CD40LG: variants seen among roughly 807,000 people sequenced by gnomAD.
CD40LG encodes the protein CD40 ligand.
In CD40LG, 1 loss-of-function variant was observed where a neutral mutation model predicts 17.2. The ratio of observed to expected loss-of-function variants is 0.06; its 90% CI spans 0.02 to 0.28. CD40LG has a LOEUF of 0.28. Among genes scored for constraint, CD40LG ranks in the 10% least tolerant of loss-of-function variants. The pLI, the probability that CD40LG is intolerant of heterozygous loss-of-function variation, is 1.00. For synonymous variants in CD40LG, 66 were observed against 74.4 expected (o/e 0.89, Z 0.58); for missense variants, 133 against 193.2 (o/e 0.69, Z 1.85).
chrX:136,660,105 A>AACACACACACAT lies in CD40LG; in HGVS notation c.*701_*702insTACACACACACA, dbSNP rs1491100265. ...GTCTCTCTTCTCAATCCCCCTTTCT[A>AACACACACACAT]ACACACACACACACACACACACACA... is the stretch of plus-strand genomic sequence containing the variant. On this transcript the variant is annotated 3_prime_UTR_variant, in exon 5 of 5. Transcript: ENST00000370629. The AACACACACACAT allele has an allele frequency of 2.6e-5, 1 of 37,987 alleles. No individual in the cohort carries two copies. The highest frequency in any genetic ancestry group is 9.0e-5 in the African/African-American group (1 of 11,077). The allele number at this position is 37,987 out of a possible 1,213,427, so 3.1% of individuals were successfully genotyped here.
In CD40LG at chrX:136,659,920, A is replaced by ACCGC. The variant is rs2076129891; in HGVS notation, c.*507_*508insGCCC. The ACCGC allele has an allele frequency of 2.7e-4, 5 of 18,639 alleles. No individual in the cohort carries two copies. Among genetic ancestry groups the ACCGC allele is most frequent in the African/African-American group, 4.8e-4 (5 of 10,495 alleles). 1.5% of individuals were successfully genotyped at this position (18,639 alleles called of 1,213,427 possible). On this transcript the variant is annotated 3_prime_UTR_variant, in exon 5 of 5. Coordinates refer to ENST00000370629, the MANE Select transcript of CD40LG (RefSeq NM_000074.3). ...ACGTCTAACACAGTGGAGAACCGAAACCCCCCCCCCCCCCCCGCCACCCTC... is the reference window on the plus strand; with the variant it reads ...ACGTCTAACACAGTGGAGAACCGAAACCGCCCCCCCCCCCCCCCCCGCCACCCTC...
In CD40LG at chrX:136,656,433, A is replaced by C; in HGVS notation, c.409+15A>C. ...AACAACATCTGGTAAGTCACACAGC[A>C]TCTGAGCGGTAGCCACCCAAGGGGA... On this transcript the variant is annotated intron_variant, in intron 4 of 4. Transcript: ENST00000370629. The C allele has an allele frequency of 8.4e-7, 1 of 1,184,229 alleles. No individual in the cohort carries two copies. Among genetic ancestry groups the C allele is most frequent in the Non-Finnish European group, 1.1e-6 (1 of 870,332 alleles).
intron 2 of CD40LG, 98 bp from the exon 3 acceptor site, chrX:136,654,275 G>C: frequency 3.1e-6 from 2 of 637,928 alleles, no homozygotes; most frequent in Non-Finnish European, 5.3e-6. Context: ...ACCAGAAACA[G>C]ACAACAGAGT....
intron 4 of CD40LG, among the ~76,000 whole-genome samples, chrX:136,658,328 G>A (rs147234438): frequency 0.03 from 3,337 of 111,931 alleles, 126 homozygotes; most frequent in African/African-American, 0.1. Flanking sequence ...CATCTCAGCC[G>A]AGAAAATGGC....
chrX:136,655,403 C>A (rs1021343567), intron 3 of CD40LG, among the ~76,000 whole-genome samples: 11 of 112,212 alleles, frequency 9.8e-5, no homozygotes, highest in Non-Finnish European at 1.9e-4. Flanking sequence ...CAAACCAATA[C>A]AATAATGCGT....
chrX:136,657,034 C>T (rs966638158), intron 4 of CD40LG, among the ~76,000 whole-genome samples: 4 of 112,036 alleles, frequency 3.6e-5, no homozygotes, highest in Non-Finnish European at 7.5e-5. Context: ...GTGCATCTTG[C>T]GATAACTGGT....
chrX:136,649,406 T>C (rs912754093), intron 1 of CD40LG, among the ~76,000 whole-genome samples: 3 of 112,286 alleles, frequency 2.7e-5, no homozygotes, highest in Non-Finnish European at 5.6e-5. Flanking sequence ...TATCCAAATA[T>C]TAGGTTTCAC....
chrX:136,653,878 G>A (rs746966558), intron 2 of CD40LG, among the ~76,000 whole-genome samples: 3 of 112,081 alleles, frequency 2.7e-5, no homozygotes, highest in Non-Finnish European at 5.6e-5. Context: ...ATGTCTGAGG[G>A]TCTTTTCATA....
rs2076127350 is a variant in CD40LG at position 136,659,198 on chromosome X, T to G, written c.569T>G (p.Ile190Arg). 12 of 1,211,646 alleles carry G rather than the reference T, an allele frequency of 9.9e-6. No individual in the cohort carries two copies. The highest frequency in any genetic ancestry group is 1.3e-5 in the Non-Finnish European group (12 of 895,121). Residue 190 changes from isoleucine (I) to arginine (R), a missense_variant, in exon 5 of 5, where the codon ATA (isoleucine) becomes AGA (arginine). Physicochemically the swap from Ile to Arg is moderately conservative, Grantham distance 97. Transcript: ENST00000370629. ...GAAGCTTCGAGTCAAGCTCCATTTATAGCCAGCCTCTGCCTAAAGTCCCCC... is the reference window on the plus strand; with the variant it reads ...GAAGCTTCGAGTCAAGCTCCATTTAGAGCCAGCCTCTGCCTAAAGTCCCCC... Reference protein sequence around the residue: ...NREASSQAPFIASLCLKSPGR... With the variant: ...NREASSQAPFRASLCLKSPGR...
At position 136,660,168 on chromosome X, in the gene CD40LG, C is replaced by T. The variant is rs994905450; in HGVS notation, c.*753C>T. 1 of 94,271 alleles carries T rather than the reference C, an allele frequency of 1.1e-5. No individual in the cohort carries two copies. Among genetic ancestry groups the T allele is most frequent in the Non-Finnish European group, 2.1e-5 (1 of 48,363 alleles). 7.8% of individuals were successfully genotyped at this position (94,271 alleles called of 1,213,427 possible). A position where few individuals can be genotyped will look rare whatever the true frequency, so the allele number is the denominator to read the frequency against. ...CACACACACACACACAGAGTCAGGCCGTTGCTAGTCAGTTCTCTTCTTTCC... is the reference window on the plus strand; with the variant it reads ...CACACACACACACACAGAGTCAGGCTGTTGCTAGTCAGTTCTCTTCTTTCC... On this transcript the variant is annotated 3_prime_UTR_variant, in exon 5 of 5. Transcript: ENST00000370629.
chrX:136,654,102 C>T (rs1391537667), intron 2 of CD40LG, among the ~76,000 whole-genome samples: 1 of 111,810 alleles, frequency 8.9e-6, no homozygotes, highest in Non-Finnish European at 1.9e-5. Context: ...GGATCACAGC[C>T]TCTGGTCTGG....
intron 4 of CD40LG, among the ~76,000 whole-genome samples, chrX:136,656,736 T>C (rs1330907993): frequency 8.9e-6 from 1 of 111,771 alleles, no homozygotes; most frequent in Non-Finnish European, 1.9e-5. Flanking sequence ...AGTGACCTCC[T>C]GACTGGGAGC....
At chrX:136,654,309 T>G in intron 2 of CD40LG, 64 bp from the exon 3 acceptor site, 1 of 815,768 alleles carries the variant, frequency 1.2e-6, no homozygotes, top group East Asian at 3.1e-5. Context: ...AAACGAATGA[T>G]AATTTTAAAA....
At chrX:136,656,829 A>C (rs1290974248) in intron 4 of CD40LG, among the ~76,000 whole-genome samples, 2 of 111,957 alleles carry the variant, frequency 1.8e-5, no homozygotes, top group Non-Finnish European at 3.8e-5. Flanking sequence ...CTGTATGATT[A>C]AGCTCAGCCT....
intron 4 of CD40LG, 24 bp from the exon 5 acceptor site, chrX:136,659,015 A>G: frequency 8.3e-7 from 1 of 1,208,700 alleles, no homozygotes; most frequent in South Asian, 1.8e-5. Flanking sequence ...ACCTCACCAC[A>G]AACTTTCCCT....
chrX:136,653,905 CAAGGTCAA>C (rs2076111380), intron 2 of CD40LG, among the ~76,000 whole-genome samples: 1 of 112,118 alleles, frequency 8.9e-6, no homozygotes, highest in Non-Finnish European at 1.9e-5. Flanking sequence ...CATTTCTCCC[CAAGGTCAA>C]ACTTACTATT....
intron 3 of CD40LG, among the ~76,000 whole-genome samples, chrX:136,655,039 C>T (rs2076115071): frequency 9.0e-6 from 1 of 111,411 alleles, no homozygotes; most frequent in African/African-American, 3.3e-5. Flanking sequence ...CATAAGGCAG[C>T]CTGATCCGTC....
In CD40LG at chrX:136,654,767, G is replaced by A. The variant is rs183742736; in HGVS notation, c.346+337G>A. 2.7e-5 allele frequency among the ~76,000 whole-genome samples: 3 copies of A among 112,160 alleles called. No individual in the cohort carries two copies. In the East Asian group the frequency reaches 8.4e-4, roughly 31 times the overall value. On this transcript the variant is annotated intron_variant, in intron 3 of 4. Coordinates refer to ENST00000370629, the MANE Select transcript of CD40LG (RefSeq NM_000074.3). Reference sequence around the variant, plus strand: ...ACAGGAAAGTCATCATTTGGTAACAGTGGCATTCATCACTCATTGATAACA... The same window carrying A: ...ACAGGAAAGTCATCATTTGGTAACAATGGCATTCATCACTCATTGATAACA...
Position 136,659,521 on chromosome X carries a change from ATCC to A in CD40LG, c.*111_*113del. On this transcript the variant is annotated 3_prime_UTR_variant, in exon 5 of 5. Coordinates refer to ENST00000370629, the MANE Select transcript of CD40LG (RefSeq NM_000074.3). The stretch of plus-strand genomic sequence containing the variant: ...TTAACTGCCTATTTATAACCCTAGG[ATCC>A]TCCTTATGGAGAACTATTTATTATA... 1 of 809,641 alleles carries A rather than the reference ATCC, an allele frequency of 1.2e-6. No homozygotes were observed. 66.7% of individuals were successfully genotyped at this position (809,641 alleles called of 1,213,427 possible).
Sources: gnomAD v4.1 joint callset for allele counts (sites outside exome capture counted in the v4.1 genomes callset) on GRCh38, gnomAD v4.1.1 for gene constraint, MANE v1.5 for transcripts, NCBI Gene and HGNC (gene_info 2026-07-23, HGNC 2026-07-21) for gene names.